The following TTBK2 variants were observed in gnomAD, a reference collection of about 807,000 sequenced individuals.
The protein encoded by TTBK2 is tau tubulin kinase 2.
A neutral mutation model predicts 110.8 loss-of-function variants in TTBK2; 28 were observed. That is an observed-to-expected ratio of 0.25 (90% CI 0.19 to 0.35). TTBK2 has a LOEUF of 0.35. Ranked by LOEUF, TTBK2 falls within the 10% of genes least tolerant of loss-of-function variation. The pLI is 1.00. For synonymous variants in TTBK2, 532 were observed against 527.3 expected, an observed-to-expected ratio of 1.01 and a Z score of -0.12; for missense variants, 1,369 against 1,500.3, an observed-to-expected ratio of 0.91 and a Z score of 1.45.
rs559101013 is a variant in TTBK2 at position 42,870,769 on chromosome 15, G to A, written c.217+1842C>T. The stretch of plus-strand genomic sequence containing the variant: ...CCAGCTACTCAGGAGGCTGAGGCAG[G>A]AGAATCGCTTGAACCCCAGAGGTGG... On this transcript the variant is annotated intron_variant, in intron 3 of 14. Coordinates refer to ENST00000267890, the MANE Select transcript of TTBK2 (RefSeq NM_173500.4). Among the ~76,000 whole-genome samples, 5 of 151,336 alleles carry A rather than the reference G, an allele frequency of 3.3e-5. No homozygotes were observed. In the South Asian group the frequency reaches 8.4e-4, roughly 25 times the overall value.
At chr15:42,843,758 C>CAAAAA (rs57403388) in intron 3 of TTBK2, among the ~76,000 whole-genome samples, 1 of 71,668 alleles carries the variant, frequency 1.4e-5, no homozygotes, top group Non-Finnish European at 2.8e-5. Flanking sequence ...GACTTGGTCT[C>CAAAAA]AAAAAAAAAA....
At chr15:42,760,303 T>C (rs1003629602) in intron 13 of TTBK2, among the ~76,000 whole-genome samples, 1 of 149,460 alleles carries the variant, frequency 6.7e-6, no homozygotes, top group Non-Finnish European at 1.5e-5. Flanking sequence ...GAAGAATTGC[T>C]TGAACCAGGA....
intron 3 of TTBK2, among the ~76,000 whole-genome samples, chr15:42,847,759 T>C (rs1049226912): frequency 6.6e-6 from 1 of 152,258 alleles, no homozygotes; most frequent in Non-Finnish European, 1.5e-5. Context: ...ATCTCTATTT[T>C]ATTCCACTTG....
chr15:42,827,561 C>T lies in TTBK2; in HGVS notation c.537+367G>A, dbSNP rs369999181. 3.0e-4 allele frequency among the ~76,000 whole-genome samples: 45 copies of T among 152,264 alleles called. No individual in the cohort carries two copies. In the Middle Eastern group the frequency reaches 0.01, roughly 35 times the overall value. On this transcript the variant is annotated intron_variant, in intron 6 of 14. Transcript: ENST00000267890. ...AAACAAGTAAAAGAAAATGTGATGA[C>T]AGTGTGGCACCAAATAGAGAATATC...
intron 1 of TTBK2, among the ~76,000 whole-genome samples, chr15:42,884,897 GT>G (rs1182995226): frequency 6.6e-6 from 1 of 152,102 alleles, no homozygotes. Context: ...ATTGTGATTT[GT>G]TTCCCCCCAC....
At chr15:42,826,544 T>C (rs1892543815) in intron 6 of TTBK2, among the ~76,000 whole-genome samples, 1 of 152,178 alleles carries the variant, frequency 6.6e-6, no homozygotes. Context: ...ACTACTCTTG[T>C]AACAAATAGC....
chr15:42,785,084 T>C (rs1890348831), intron 10 of TTBK2, among the ~76,000 whole-genome samples: 1 of 151,704 alleles, frequency 6.6e-6, no homozygotes. Context: ...TTTTTTACAG[T>C]GTGAAATGTG....
intron 1 of TTBK2, among the ~76,000 whole-genome samples, chr15:42,886,265 T>TA (rs1191078868): frequency 3.3e-5 from 5 of 152,098 alleles, no homozygotes; most frequent in African/African-American, 1.2e-4. Context: ...ATAACCCTTC[T>TA]ATCACCTCCC....
intron 9 of TTBK2, among the ~76,000 whole-genome samples, chr15:42,798,500 T>C (rs989278777): frequency 6.6e-6 from 1 of 152,254 alleles, no homozygotes; most frequent in Non-Finnish European, 1.5e-5. Context: ...TGCAGCCATA[T>C]GCCAGAGAGA....
rs2031158188 is a variant in TTBK2, at chr15:42,917,706, A to G, written c.-68+2732T>C. Among the ~76,000 whole-genome samples the G allele has an allele frequency of 3.9e-5, 6 of 152,094 alleles. No homozygotes were observed. The South Asian group carries it at 1.2e-3, about 32-fold the overall frequency. ...TGACAAAAAAAAAAAAGACTAGGAA[A>G]TAAAACTAAATAAAATGTATTTAAT... On this transcript the variant is annotated intron_variant, in intron 1 of 14. Transcript: ENST00000267890.
At chr15:42,798,823 G>A (rs1891054454) in intron 9 of TTBK2, among the ~76,000 whole-genome samples, 2 of 152,202 alleles carry the variant, frequency 1.3e-5, no homozygotes, top group South Asian at 2.1e-4. Context: ...ATGTAGGGAA[G>A]AGAAGCAGTT....
At chr15:42,791,341 C>T (rs1165818996) in intron 10 of TTBK2, among the ~76,000 whole-genome samples, 1 of 152,118 alleles carries the variant, frequency 6.6e-6, no homozygotes, top group Non-Finnish European at 1.5e-5. Context: ...TAAATCTAAC[C>T]TTCTACTATT....
chr15:42,880,357 C>T (rs1042930864), intron 1 of TTBK2, among the ~76,000 whole-genome samples: 6 of 152,194 alleles, frequency 3.9e-5, no homozygotes, highest in African/African-American at 1.4e-4. Context: ...CATAATTCCT[C>T]AAATCCTATT....
At chr15:42,771,712 T>G (rs1223616475) in intron 13 of TTBK2, among the ~76,000 whole-genome samples, 2 of 152,236 alleles carry the variant, frequency 1.3e-5, no homozygotes, top group Non-Finnish European at 2.9e-5. Context: ...GTACTGTTCC[T>G]TCTTTGTGCA....
intron 1 of TTBK2, among the ~76,000 whole-genome samples, chr15:42,908,702 G>T (rs1174791196): frequency 6.6e-6 from 1 of 152,082 alleles, no homozygotes; most frequent in Non-Finnish European, 1.5e-5. Flanking sequence ...AAATGGTATT[G>T]TACTGTATTA....
intron 3 of TTBK2, among the ~76,000 whole-genome samples, chr15:42,864,667 A>G (rs908305160): frequency 4.6e-5 from 7 of 152,206 alleles, no homozygotes; most frequent in Non-Finnish European, 8.8e-5. Context: ...TCAGAAATGA[A>G]GGAGAAATAG....
chr15:42,887,650 T>C (rs28805017), intron 1 of TTBK2, among the ~76,000 whole-genome samples: 70,683 of 152,036 alleles, frequency 0.46, 21,174 homozygotes, highest in African/African-American at 0.86. Flanking sequence ...CTATCCACCC[T>C]GTGGTGCCAA....
At chr15:42,881,983 T>C (rs868533440) in intron 1 of TTBK2, among the ~76,000 whole-genome samples, 2 of 152,112 alleles carry the variant, frequency 1.3e-5, no homozygotes, top group Middle Eastern at 6.8e-3. Flanking sequence ...GTCAGTAAAC[T>C]GGAAGATAAA....
At chr15:42,755,047 G>T in intron 13 of TTBK2, among the ~76,000 whole-genome samples, 1 of 143,782 alleles carries the variant, frequency 7.0e-6, no homozygotes. Context: ...AAGCCTATGA[G>T]AAGTGAAAAT....
Sources: gnomAD v4.1 joint callset for allele counts (sites outside exome capture counted in the v4.1 genomes callset) on GRCh38, gnomAD v4.1.1 for gene constraint, MANE v1.5 for transcripts, NCBI Gene and HGNC (gene_info 2026-07-23, HGNC 2026-07-21) for gene names.